Variants in NCOA2 observed in about 807,000 individuals in gnomAD.
The protein encoded by NCOA2 is class E basic helix-loop-helix protein 75.
In NCOA2, 21 loss-of-function variants were observed where a neutral mutation model predicts 145.1. The ratio of observed to expected loss-of-function variants is 0.14; its 90% CI spans 0.10 to 0.21. The LOEUF (loss-of-function observed/expected upper bound fraction) is 0.21, where lower values mean the gene tolerates loss of function less well. NCOA2 is among the 10% of genes least tolerant of loss of function. The pLI is 1.00. For missense variants in NCOA2, 1,472 were observed against 1,837.6 expected (o/e 0.80, Z 3.64); for synonymous variants, 619 against 637.5 (o/e 0.97, Z 0.44).
chr8:70,405,702 A>T (rs568948975), upstream of NCOA2, among the ~76,000 whole-genome samples: 4 of 148,060 alleles, frequency 2.7e-5, no homozygotes, highest in Non-Finnish European at 6.0e-5. Context: ...TAAAAAAAAG[A>T]TTCTCCTTCT....
In NCOA2 at chr8:70,156,683, T is replaced by C. The variant is rs772112107; in HGVS notation, c.1682A>G (p.Asn561Ser). 2 of 1,613,934 alleles carry C rather than the reference T, an allele frequency of 1.2e-6. No homozygotes were observed. The highest frequency in any genetic ancestry group is 1.7e-6 in the Non-Finnish European group (2 of 1,179,882). ...SLASPDLKMG[N>S]LQNSPVNMNP... ...CATATTAACTGGGGAGTTTTGCAAA[T>C]TGCCCATTTTTAGGTCTGGTGAAGC... The change falls in exon 11 of 23, where the codon AAT becomes AGT. Residue 561 changes from asparagine to serine, a missense_variant. Asn to Ser is a conservative substitution (Grantham distance 46). Around this residue, in one of 4 missense-constraint regions of NCOA2, gnomAD observed 953 missense variants for 1,062.1 expected, o/e 0.90. Coordinates refer to ENST00000452400, the MANE Select transcript of NCOA2 (RefSeq NM_006540.4).
chr8:70,360,474 T>TA (rs1357889495), intron 1 of NCOA2, among the ~76,000 whole-genome samples: 1 of 152,202 alleles, frequency 6.6e-6, no homozygotes, highest in Non-Finnish European at 1.5e-5. Flanking sequence ...AAAGGGTAGT[T>TA]AATTACAGCA....
At chr8:70,299,305 CGA>C (rs1410057772) in intron 1 of NCOA2, among the ~76,000 whole-genome samples, 1 of 152,034 alleles carries the variant, frequency 6.6e-6, no homozygotes, top group African/African-American at 2.4e-5. Context: ...TGCTCTGTCC[CGA>C]GAGTTTTCAC....
chr8:70,253,139 T>A (rs1823343433), intron 2 of NCOA2, among the ~76,000 whole-genome samples: 1 of 152,160 alleles, frequency 6.6e-6, no homozygotes, highest in South Asian at 2.1e-4. Context: ...ATAACTGCAG[T>A]CACAGTGGCA....
Position 70,126,877 on chromosome 8 carries a change from T to C in NCOA2, c.3852A>G (p.Ala1284=), listed in dbSNP as rs1162044080. The change falls in exon 19 of 23, where the codon GCA becomes GCG. Residue 1284 remains alanine, a synonymous_variant. Transcript: ENST00000452400. ...PSMVAPSGMP[A]TMSNPRIPQA... is the part of the protein sequence containing the mutation. ...GGGGAATCCGAGGGTTGCTCATAGT[T>C]GCTGGCATACCACTAGGAGCCACCA... The C allele has an allele frequency of 5.6e-6, 9 of 1,613,896 alleles. No individual in the cohort carries two copies. The highest frequency in any genetic ancestry group is 6.8e-6 in the Non-Finnish European group (8 of 1,179,900).
intron 4 of NCOA2, among the ~76,000 whole-genome samples, chr8:70,191,619 AGAGG>A (rs1169611856): frequency 1.3e-5 from 2 of 152,064 alleles, no homozygotes; most frequent in Admixed American, 6.6e-5. Flanking sequence ...GGAGGAAGAG[AGAGG>A]GAGGAAGAGA....
chr8:70,454,942 T>C, the NCOA2 span, among the ~76,000 whole-genome samples: 2 of 152,326 alleles, frequency 1.3e-5, no homozygotes, highest in African/African-American at 4.8e-5. Context: ...GATGGTGAAA[T>C]TGAAGTTAAT....
intron 15 of NCOA2, 54 bp from the exon 16 acceptor site, chr8:70,132,056 A>G (rs1231636576): frequency 9.7e-6 from 15 of 1,539,916 alleles, no homozygotes; most frequent in African/African-American, 1.4e-5. Flanking sequence ...TTGATTAGAG[A>G]ACAAATTCTT....
intron 1 of NCOA2, among the ~76,000 whole-genome samples, chr8:70,361,925 T>C (rs912748099): frequency 1.3e-5 from 2 of 152,202 alleles, no homozygotes; most frequent in Admixed American, 1.3e-4. Context: ...ATCCCAAATA[T>C]TTTAAACACA....
rs186252246 is a variant in NCOA2, at chr8:70,178,120, C to A, written c.260-3261G>T. On this transcript the variant is annotated intron_variant, in intron 4 of 22. Coordinates refer to ENST00000452400, the MANE Select transcript of NCOA2 (RefSeq NM_006540.4). ...TTAGATAACTCAATCAGGCAGGTTC[C>A]TCAACACTGCTAAGTCTTCATGCCT... 5.3e-5 allele frequency among the ~76,000 whole-genome samples: 8 copies of A among 152,304 alleles called. No individual in the cohort carries two copies. The East Asian group carries it at 1.5e-3, about 29-fold the overall frequency.
At chr8:70,150,129 T>C (rs1811576737) in intron 11 of NCOA2, among the ~76,000 whole-genome samples, 1 of 152,218 alleles carries the variant, frequency 6.6e-6, no homozygotes, top group South Asian at 2.1e-4. Context: ...TTAGCAATGA[T>C]TGGGAGATCC....
At chr8:70,132,752 GA>G (rs1008512021) in intron 15 of NCOA2, among the ~76,000 whole-genome samples, 38 of 152,266 alleles carry the variant, frequency 2.5e-4, no homozygotes, top group African/African-American at 8.9e-4. Flanking sequence ...TTTTTGTAGA[GA>G]TGGCGTTTCG....
intron 1 of NCOA2, among the ~76,000 whole-genome samples, chr8:70,297,487 C>T (rs1205863875): frequency 1.3e-5 from 2 of 152,140 alleles, no homozygotes; most frequent in Non-Finnish European, 2.9e-5. Context: ...GCATGCGCCA[C>T]CACACCCAGC....
chr8:70,111,132 C>T lies in NCOA2; in HGVS notation c.*2500G>A. 4.5e-6 allele frequency: 1 copy of T among 220,630 alleles called. No homozygotes were observed. The highest frequency in any genetic ancestry group is 9.1e-6 in the Non-Finnish European group (1 of 110,118). 13.7% of individuals were successfully genotyped at this position (220,630 alleles called of 1,614,324 possible). ...TTGAAACCGTAAGAGAATTTATCAT[C>T]TCTTTTCCTTCAAAACAGCAATGAT... On this transcript the variant is annotated 3_prime_UTR_variant, in exon 23 of 23. Transcript: ENST00000452400.
At chr8:70,132,031 C>G in intron 15 of NCOA2, 29 bp from the exon 16 acceptor site, 1 of 1,598,650 alleles carries the variant, frequency 6.3e-7, no homozygotes, top group Non-Finnish European at 8.5e-7. Flanking sequence ...CACCTTGGGC[C>G]AATGGAAAAG....
rs375918666 is a variant in NCOA2, at chr8:70,126,814, G to A, written c.3915C>T (p.Tyr1305=). ...NAQQFPFPPN[Y]GISQQPDPGF... Reference sequence around the variant, plus strand: ...GTGGTGGGGATCTAAGTCCAGTACCGTAGTTTGGAGGAAATGGAAACTGCT... The same window carrying A: ...GTGGTGGGGATCTAAGTCCAGTACCATAGTTTGGAGGAAATGGAAACTGCT... Residue 1305 remains tyrosine, a splice_region_variant and synonymous_variant, in exon 19 of 23, where the codon TAC becomes TAT. Transcript: ENST00000452400. 2.1e-5 allele frequency: 34 copies of A among 1,612,998 alleles called. No individual in the cohort carries two copies. Among genetic ancestry groups the A allele is most frequent in the East Asian group, 6.7e-5 (3 of 44,886 alleles).
chr8:70,373,457 CTT>C (rs1388244087), intron 1 of NCOA2, among the ~76,000 whole-genome samples: 2 of 152,104 alleles, frequency 1.3e-5, no homozygotes, highest in East Asian at 3.8e-4. Flanking sequence ...AGATAAAAGA[CTT>C]TTGTGTTACA....
chr8:70,257,819 C>T (rs1232600005), intron 2 of NCOA2, among the ~76,000 whole-genome samples: 15 of 151,932 alleles, frequency 9.9e-5, no homozygotes, highest in Admixed American at 9.2e-4. Context: ...CCCTTCCTAC[C>T]TCCCTGATCT....
At position 70,113,570 on chromosome 8, in the gene NCOA2, G is replaced by A. The variant is rs1160296669; in HGVS notation, c.*62C>T. The A allele has an allele frequency of 9.8e-6, 15 of 1,533,372 alleles. No individual in the cohort carries two copies. The highest frequency in any genetic ancestry group is 1.4e-5 in the African/African-American group (1 of 72,586). 95.0% of individuals were successfully genotyped at this position (1,533,372 alleles called of 1,614,324 possible). A position where few individuals can be genotyped will look rare whatever the true frequency, so the allele number is the denominator to read the frequency against. On this transcript the variant is annotated 3_prime_UTR_variant, in exon 23 of 23. Coordinates refer to ENST00000452400, the MANE Select transcript of NCOA2 (RefSeq NM_006540.4). ...TGAAACAAATAGACACAGCTCTCCA[G>A]ACTGGAAGTGTTTTGAGCAAGTGAG...
Sources: gnomAD v4.1 joint callset for allele counts (sites outside exome capture counted in the v4.1 genomes callset) on GRCh38, gnomAD v4.1.1 for gene constraint, gnomAD v4.1.1 regional missense constraint, MANE v1.5 for transcripts, NCBI Gene and HGNC (gene_info 2026-07-23, HGNC 2026-07-21) for gene names.